Variants in ARID1B observed in about 807,000 individuals in gnomAD.
ARID1B encodes the protein AT-rich interactive domain-containing protein 1B.
Under a neutral mutation model 212.3 loss-of-function variants are expected in ARID1B, and 30 were observed. The ratio of observed to expected loss-of-function variants is 0.14; its 90% CI spans 0.11 to 0.19. The LOEUF (loss-of-function observed/expected upper bound fraction) is 0.19. Among genes scored for constraint, ARID1B ranks in the 10% least tolerant of loss-of-function variants. The pLI, the probability that ARID1B is intolerant of heterozygous loss-of-function variation, is 1.00. For synonymous variants in ARID1B, 1,402 were observed against 1,301.7 expected (o/e 1.08, Z -1.66); for missense variants, 2,891 against 3,204.0 (o/e 0.90, Z 2.36).
chr6:156,880,196 G>A (rs758647197), intron 2 of ARID1B, among the ~76,000 whole-genome samples: 5 of 152,138 alleles, frequency 3.3e-5, no homozygotes, highest in South Asian at 2.1e-4. Flanking sequence ...TTAGTAGAGC[G>A]GGTCAAAGGA....
chr6:156,944,612 A>G (rs1317233172), intron 4 of ARID1B, among the ~76,000 whole-genome samples: 1 of 152,208 alleles, frequency 6.6e-6, no homozygotes, highest in Non-Finnish European at 1.5e-5. Context: ...GCTAATGCCA[A>G]CCGGATGGTT....
At chr6:157,185,031 A>AG (rs1792877572) in intron 13 of ARID1B, 3 of 157,888 alleles carry the variant, frequency 1.9e-5, no homozygotes, top group Non-Finnish European at 4.2e-5. Flanking sequence ...TCTGGAAGTC[A>AG]GGGGTCTTAG....
chr6:156,927,383 G>T (rs368693652), intron 3 of ARID1B, among the ~76,000 whole-genome samples: 2 of 152,192 alleles, frequency 1.3e-5, no homozygotes, highest in Admixed American at 1.3e-4. Context: ...TTAACATGTT[G>T]CTTGGACCTT....
chr6:156,940,058 C>T (rs1219483851), intron 4 of ARID1B: 1 of 152,106 alleles, frequency 6.6e-6, no homozygotes, highest in Non-Finnish European at 1.5e-5. Context: ...TTAAAAATAA[C>T]TAATTTGTTT....
At chr6:156,922,732 T>C (rs1239199000) in intron 3 of ARID1B, among the ~76,000 whole-genome samples, 1 of 152,204 alleles carries the variant, frequency 6.6e-6, no homozygotes, top group Non-Finnish European at 1.5e-5. Context: ...TCTGGAGTCT[T>C]TGAGAATCTG....
intron 4 of ARID1B, among the ~76,000 whole-genome samples, chr6:156,951,368 A>G (rs1256684160): frequency 6.6e-6 from 1 of 152,248 alleles, no homozygotes; most frequent in Non-Finnish European, 1.5e-5. Flanking sequence ...TTAAGGCTAC[A>G]TTCCTGACTA....
At chr6:156,923,867 C>T (rs1036914213) in intron 3 of ARID1B, among the ~76,000 whole-genome samples, 1 of 152,020 alleles carries the variant, frequency 6.6e-6, no homozygotes, top group Non-Finnish European at 1.5e-5. Context: ...GCCACCATGC[C>T]CAGCTAATTT....
At chr6:156,966,386 CTTTTTTTTT>C (rs1214987532) in intron 4 of ARID1B, among the ~76,000 whole-genome samples, 3 of 38,918 alleles carry the variant, frequency 7.7e-5, no homozygotes, top group Admixed American at 2.6e-4. Flanking sequence ...CTTTTCTTTT[CTTTTTTTTT>C]TTTTTTTTTT....
At chr6:156,834,476 A>T (rs1783366031) in intron 2 of ARID1B, among the ~76,000 whole-genome samples, 3 of 152,336 alleles carry the variant, frequency 2.0e-5, no homozygotes, top group African/African-American at 7.2e-5. Context: ...GTGTGTAAAA[A>T]ACAGAACATT....
At chr6:157,026,621 T>C (rs914713418) in intron 4 of ARID1B, among the ~76,000 whole-genome samples, 1 of 152,212 alleles carries the variant, frequency 6.6e-6, no homozygotes, top group African/African-American at 2.4e-5. Flanking sequence ...CAGAGACCTA[T>C]TTCTTAGGTG....
intron 2 of ARID1B, among the ~76,000 whole-genome samples, chr6:156,853,733 G>A (rs1003224607): frequency 3.9e-5 from 6 of 152,046 alleles, no homozygotes; most frequent in Admixed American, 6.5e-5. Flanking sequence ...GCCTCCATAC[G>A]TTTTGTTTTT....
In ARID1B at chr6:156,963,198, T is replaced by G. The variant is rs374809730; in HGVS notation, c.2247+27622T>G. ...CTGCACCGACTGTGTTTGTGTTGCA[T>G]TTTTGCATCAAGTAATGAATTTAGA... On this transcript the variant is annotated intron_variant, in intron 4 of 19. Coordinates refer to ENST00000636930, the MANE Select transcript of ARID1B (RefSeq NM_001374828.1). Among the ~76,000 whole-genome samples the G allele has an allele frequency of 2.2e-4, 34 of 152,346 alleles. 1 individual carries two copies. The South Asian group carries it at 6.6e-3, about 30-fold the overall frequency.
At chr6:156,826,075 A>G (rs1020605362) in intron 1 of ARID1B, among the ~76,000 whole-genome samples, 5 of 152,220 alleles carry the variant, frequency 3.3e-5, no homozygotes, top group East Asian at 1.9e-4. Context: ...TTTAATTTCT[A>G]TCATGTTAAG....
At chr6:156,945,233 C>CTTTTTTTTTTTTTTTTTTTT (rs1164805779) in intron 4 of ARID1B, among the ~76,000 whole-genome samples, 2 of 32,664 alleles carry the variant, frequency 6.1e-5, no homozygotes, top group Non-Finnish European at 1.2e-4. Context: ...CCGCATCCGG[C>CTTTTTTTTTTTTTTTTTTTT]TTTTTTTTTT....
At chr6:156,835,766 A>C (rs1375489386) in intron 2 of ARID1B, among the ~76,000 whole-genome samples, 1 of 152,048 alleles carries the variant, frequency 6.6e-6, no homozygotes, top group South Asian at 2.1e-4. Flanking sequence ...TTTAGAGACA[A>C]GGTCTTGCTC....
At chr6:157,055,115 A>G (rs903322063) in intron 4 of ARID1B, among the ~76,000 whole-genome samples, 5 of 152,234 alleles carry the variant, frequency 3.3e-5, no homozygotes, top group African/African-American at 9.6e-5. Context: ...GCCAGCAGAT[A>G]CCTCAGGTGG....
intron 2 of ARID1B, among the ~76,000 whole-genome samples, chr6:156,863,700 G>A (rs907985699): frequency 1.3e-5 from 2 of 152,186 alleles, no homozygotes; most frequent in African/African-American, 4.8e-5. Context: ...GAAATAGGAA[G>A]TGGAACCCAG....
At chr6:157,063,103 T>C (rs1335813910) in intron 4 of ARID1B, among the ~76,000 whole-genome samples, 1 of 152,004 alleles carries the variant, frequency 6.6e-6, no homozygotes, top group African/African-American at 2.4e-5. Context: ...AGAGAATCTT[T>C]AATGTGGTGG....
intron 4 of ARID1B, among the ~76,000 whole-genome samples, chr6:156,996,097 G>A (rs926684092): frequency 7.2e-5 from 11 of 152,188 alleles, no homozygotes; most frequent in African/African-American, 2.7e-4. Context: ...TTCAAGCACT[G>A]TGTGAATAAT....
Sources: allele counts gnomAD v4.1 joint callset (sites outside exome capture counted in the v4.1 genomes callset), GRCh38; gene constraint gnomAD v4.1.1; transcripts MANE v1.5; gene names NCBI Gene and HGNC (gene_info 2026-07-23, HGNC 2026-07-21).